The following FGD4 variants were observed in gnomAD, a reference collection of about 807,000 sequenced individuals.
The protein encoded by FGD4 is FYVE, RhoGEF and PH domain containing 4.
FGD4 carries 42 observed loss-of-function variants against 102.0 expected under a neutral mutation model. The ratio of observed to expected loss-of-function variants is 0.41; its 90% CI spans 0.32 to 0.53. The LOEUF (loss-of-function observed/expected upper bound fraction) is 0.53. FGD4 is among the 20% of genes least tolerant of loss of function. The pLI is 0.21. For missense variants in FGD4, 902 were observed against 1,078.2 expected (o/e 0.84, Z 2.29); for synonymous variants, 380 against 375.7 (o/e 1.01, Z -0.13).
At chr12:32,624,943 T>G (rs777572800) in intron 12 of FGD4, 33 bp from the exon 13 acceptor site, 3 of 1,561,114 alleles carry the variant, frequency 1.9e-6, no homozygotes. Flanking sequence ...TGAGAAACTT[T>G]AATGTGTGCT....
At chr12:32,429,404 G>A (rs866913907) in intron 1 of FGD4, among the ~76,000 whole-genome samples, 49 of 152,146 alleles carry the variant, frequency 3.2e-4, no homozygotes, top group African/African-American at 1.0e-3. Flanking sequence ...TGGAAGCTTC[G>A]TCCCAGAGGG....
intron 10 of FGD4, among the ~76,000 whole-genome samples, chr12:32,615,232 A>G (rs1592414520): frequency 6.6e-6 from 1 of 152,250 alleles, no homozygotes; most frequent in Non-Finnish European, 1.5e-5. Context: ...GACCATATAC[A>G]GTATGGTTCT....
chr12:32,412,611 T>TTTG (rs928239816), intron 1 of FGD4, among the ~76,000 whole-genome samples: 1 of 152,126 alleles, frequency 6.6e-6, no homozygotes, highest in African/African-American at 2.4e-5. Flanking sequence ...CCCTTTTTGT[T>TTTG]TTGTTGTTGT....
chr12:32,555,165 G>T (rs1472230927), intron 1 of FGD4, among the ~76,000 whole-genome samples: 1 of 152,162 alleles, frequency 6.6e-6, no homozygotes, highest in South Asian at 2.1e-4. Context: ...GTAAAATCTG[G>T]AAATATTTTG....
At chr12:32,536,044 G>A (rs1232044220) in intron 1 of FGD4, among the ~76,000 whole-genome samples, 1 of 150,534 alleles carries the variant, frequency 6.6e-6, no homozygotes, top group African/African-American at 2.4e-5. Flanking sequence ...AAGAAAAATT[G>A]TAAATATGCA....
At chr12:32,486,641 A>G (rs1943910858) in intron 1 of FGD4, among the ~76,000 whole-genome samples, 1 of 152,220 alleles carries the variant, frequency 6.6e-6, no homozygotes, top group South Asian at 2.1e-4. Context: ...AATTCCCCCT[A>G]CTTCTAAAAC....
chr12:32,418,662 G>A (rs1798157642), intron 1 of FGD4, among the ~76,000 whole-genome samples: 1 of 152,136 alleles, frequency 6.6e-6, no homozygotes, highest in South Asian at 2.1e-4. Flanking sequence ...GTTCAGACCC[G>A]AAGCCAGGAT....
intron 1 of FGD4, among the ~76,000 whole-genome samples, chr12:32,524,224 G>A (rs11052044): frequency 0.47 from 71,184 of 150,572 alleles, 17,580 homozygotes; most frequent in Middle Eastern, 0.65. Context: ...GTGAAACCCC[G>A]TCTCTACTAA....
intron 1 of FGD4, among the ~76,000 whole-genome samples, chr12:32,409,778 A>G (rs1229479686): frequency 6.6e-6 from 1 of 152,180 alleles, no homozygotes; most frequent in Non-Finnish European, 1.5e-5. Context: ...AATCCACACA[A>G]ATATTTAGTC....
chr12:32,596,221 C>G (rs1199943684), intron 4 of FGD4, among the ~76,000 whole-genome samples: 1 of 152,146 alleles, frequency 6.6e-6, no homozygotes, highest in Non-Finnish European at 1.5e-5. Context: ...CTAATAGGAC[C>G]AAGCCCAAGG....
chr12:32,414,173 T>C (rs1367358141), intron 1 of FGD4, among the ~76,000 whole-genome samples: 1 of 152,144 alleles, frequency 6.6e-6, no homozygotes, highest in East Asian at 1.9e-4. Context: ...TGTTTCACCA[T>C]GTTAACCAAG....
intron 14 of FGD4, among the ~76,000 whole-genome samples, chr12:32,631,475 T>C (rs1166052436): frequency 6.6e-6 from 1 of 151,868 alleles, no homozygotes; most frequent in African/African-American, 2.4e-5. Context: ...AGTACTTTTG[T>C]GATTAAAATT....
At chr12:32,546,544 C>T (rs1161916760) in intron 1 of FGD4, among the ~76,000 whole-genome samples, 1 of 152,208 alleles carries the variant, frequency 6.6e-6, no homozygotes, top group African/African-American at 2.4e-5. Flanking sequence ...TTAGGGATGC[C>T]AAAGGTGAAA....
intron 1 of FGD4, among the ~76,000 whole-genome samples, chr12:32,411,626 A>G (rs1040806512): frequency 2.0e-5 from 3 of 152,164 alleles, no homozygotes; most frequent in Non-Finnish European, 4.4e-5. Flanking sequence ...ATTGAAGAAT[A>G]CTGAGGGGTC....
intron 1 of FGD4, among the ~76,000 whole-genome samples, chr12:32,448,601 G>A (rs754309669): frequency 4.6e-5 from 7 of 151,218 alleles, no homozygotes; most frequent in Non-Finnish European, 8.8e-5. Flanking sequence ...AGGTTGCAGT[G>A]AGCTGAGATC....
At chr12:32,490,681 G>A in intron 1 of FGD4, among the ~76,000 whole-genome samples, 1 of 152,132 alleles carries the variant, frequency 6.6e-6, no homozygotes, top group East Asian at 1.9e-4. Context: ...ACAGGCATGA[G>A]CCACCGCGCC....
At chr12:32,638,580 C>T in intron 15 of FGD4, 75 bp from the exon 16 acceptor site, 1 of 1,570,880 alleles carries the variant, frequency 6.4e-7, no homozygotes, top group Non-Finnish European at 8.7e-7. Context: ...TTTGTATAAA[C>T]ACATTGTACT....
chr12:32,436,876 G>T (rs1859928461), intron 1 of FGD4, among the ~76,000 whole-genome samples: 1 of 152,182 alleles, frequency 6.6e-6, no homozygotes, highest in African/African-American at 2.4e-5. Flanking sequence ...CCAGCAATTT[G>T]GGAGGCCAAG....
chr12:32,448,064 AT>A (rs1467289831), intron 1 of FGD4, among the ~76,000 whole-genome samples: 1 of 152,222 alleles, frequency 6.6e-6, no homozygotes, highest in African/African-American at 2.4e-5. Context: ...GCAAGAATAG[AT>A]TTGAATGTCT....
Sources: gnomAD v4.1 joint callset for allele counts (sites outside exome capture counted in the v4.1 genomes callset) on GRCh38, gnomAD v4.1.1 for gene constraint, MANE v1.5 for transcripts, NCBI Gene and HGNC (gene_info 2026-07-23, HGNC 2026-07-21) for gene names.